PALS2: variants seen among roughly 807,000 people sequenced by gnomAD.
PALS2 encodes protein associated with LIN7 2, MAGUK p55 family member, also known as protein PALS2.
PALS2 carries 27 observed loss-of-function variants against 61.6 expected under a neutral mutation model. The observed-to-expected ratio is 0.44, with a 90% CI of 0.32 to 0.60. The LOEUF (loss-of-function observed/expected upper bound fraction) is 0.60, where lower values mean the gene tolerates loss of function less well. Ranked by LOEUF, PALS2 falls within the 20% of genes least tolerant of loss-of-function variation. PALS2 has a pLI of 0.05. For synonymous variants in PALS2, 236 were observed against 218.6 expected (o/e 1.08, Z -0.70); for missense variants, 554 against 639.4 (o/e 0.87, Z 1.44).
At chr7:24,635,997 A>T (rs2128066618) in intron 2 of PALS2, among the ~76,000 whole-genome samples, 1 of 152,172 alleles carries the variant, frequency 6.6e-6, no homozygotes, top group East Asian at 1.9e-4. Context: ...GGATCACCTG[A>T]GGTCAAGAGT....
chr7:24,603,340 T>C (rs1178171420), intron 1 of PALS2, among the ~76,000 whole-genome samples: 1 of 152,208 alleles, frequency 6.6e-6, no homozygotes, highest in Admixed American at 6.6e-5. Context: ...ACTAAACCTG[T>C]GACTTTGCTG....
rs780968471 is a variant in PALS2 at position 24,665,580 on chromosome 7, G to A, written c.784-8G>A. 1 of 1,612,790 alleles carries A rather than the reference G, an allele frequency of 6.2e-7. No homozygotes were observed. Among genetic ancestry groups the A allele is most frequent in the East Asian group, 2.2e-5 (1 of 44,846 alleles). On this transcript the variant is annotated splice_polypyrimidine_tract_variant and splice_region_variant and intron_variant, in intron 6 of 11. Coordinates refer to ENST00000222644, the MANE Select transcript of PALS2 (RefSeq NM_001303037.2). ...ACTGAGATGTACAATTCATTAATTT[G>A]ATTCTAGGCTAGCCATGTAAAAGAG...
intron 1 of PALS2, among the ~76,000 whole-genome samples, chr7:24,606,401 T>A (rs1184382317): frequency 6.6e-6 from 1 of 152,168 alleles, no homozygotes; most frequent in Non-Finnish European, 1.5e-5. Context: ...GGAGAGGGCC[T>A]TGAGATACTA....
rs1175934850 is a variant in PALS2 at position 24,618,757 on chromosome 7, G to A, written c.-2-4909G>A. On this transcript the variant is annotated intron_variant, in intron 1 of 11. Coordinates refer to ENST00000222644, the MANE Select transcript of PALS2 (RefSeq NM_001303037.2). The surrounding 1 kb of genome is among the most constrained non-coding windows in gnomAD (Gnocchi z 5.1). The stretch of plus-strand genomic sequence containing the variant: ...CAGGCTCGGAGGATGGGATGGCAGA[G>A]GCAGGATGCCTCCACGCTGGCCTTG... Among the ~76,000 whole-genome samples, 1 of 152,234 alleles carries A rather than the reference G, an allele frequency of 6.6e-6. No homozygotes were observed. Among genetic ancestry groups the A allele is most frequent in the East Asian group, 1.9e-4 (1 of 5,190 alleles).
chr7:24,663,843 G>C (rs1786868915), intron 6 of PALS2, 122 bp downstream of exon 6: 3 of 1,232,146 alleles, frequency 2.4e-6, no homozygotes, highest in Admixed American at 4.5e-5. Context: ...CACATGAACA[G>C]CTCCTGCTTC....
At chr7:24,652,139 C>G (rs946119595) in intron 5 of PALS2, among the ~76,000 whole-genome samples, 13 of 152,106 alleles carry the variant, frequency 8.5e-5, no homozygotes, top group African/African-American at 2.4e-4. Context: ...TATCTTGGAC[C>G]TGCGTACGCT....
intron 1 of PALS2, among the ~76,000 whole-genome samples, chr7:24,584,412 GTGA>G (rs1157774006): frequency 1.3e-5 from 2 of 151,280 alleles, no homozygotes; most frequent in Non-Finnish European, 2.9e-5. Flanking sequence ...CTGATGGCCA[GTGA>G]TGATGAGCAT....
In PALS2 at chr7:24,688,539, C is replaced by T. The variant is rs1042956737; in HGVS notation, c.*925C>T. 6.6e-6 allele frequency: 1 copy of T among 152,040 alleles called. No individual in the cohort carries two copies. Among genetic ancestry groups the T allele is most frequent in the African/African-American group, 2.4e-5 (1 of 41,412 alleles). 9.4% of individuals were successfully genotyped at this position (152,040 alleles called of 1,614,324 possible). A position where few individuals can be genotyped will look rare whatever the true frequency, so the allele number is the denominator to read the frequency against. ...GGTCAGCAAATGTATCATGCCTCTG[C>T]AAATTTTAGTGATGTTTAGAGATGC... On this transcript the variant is annotated 3_prime_UTR_variant, in exon 12 of 12. Coordinates refer to ENST00000222644, the MANE Select transcript of PALS2 (RefSeq NM_001303037.2).
At chr7:24,622,398 A>G (rs992053149) in intron 1 of PALS2, among the ~76,000 whole-genome samples, 5 of 151,724 alleles carry the variant, frequency 3.3e-5, no homozygotes, top group Non-Finnish European at 7.4e-5. Flanking sequence ...TGTTACATCT[A>G]TTTCTCAGTA....
chr7:24,641,106 C>A (rs1490999821), intron 2 of PALS2, among the ~76,000 whole-genome samples: 14 of 143,844 alleles, frequency 9.7e-5, no homozygotes, highest in Non-Finnish European at 1.2e-4. Flanking sequence ...AAGAAAAAAA[C>A]AACTTTACTT....
intron 1 of PALS2, among the ~76,000 whole-genome samples, chr7:24,580,497 A>G (rs1020451032): frequency 6.6e-6 from 1 of 152,238 alleles, no homozygotes; most frequent in African/African-American, 2.4e-5. Flanking sequence ...ACTTCTGCAC[A>G]TACCTCATTG....
intron 1 of PALS2, among the ~76,000 whole-genome samples, chr7:24,607,292 CATT>C (rs1345230586): frequency 6.6e-6 from 1 of 152,038 alleles, no homozygotes; most frequent in Non-Finnish European, 1.5e-5. Flanking sequence ...TGAAGCAATT[CATT>C]ATTATTATTC....
chr7:24,678,767 A>G (rs1026587832), intron 9 of PALS2, among the ~76,000 whole-genome samples: 1 of 152,180 alleles, frequency 6.6e-6, no homozygotes, highest in Non-Finnish European at 1.5e-5. Context: ...TGATTTTAAG[A>G]AGCATATTTT....
At chr7:24,673,606 C>T (rs1336148983) in intron 9 of PALS2, among the ~76,000 whole-genome samples, 2 of 151,882 alleles carry the variant, frequency 1.3e-5, no homozygotes, top group African/African-American at 4.8e-5. Flanking sequence ...TTTTTAAAAT[C>T]AGTTTCAGGA....
Position 24,607,679 on chromosome 7 carries a change from A to G in PALS2, c.-2-15987A>G, listed in dbSNP as rs77392470. On this transcript the variant is annotated intron_variant, in intron 1 of 11. Transcript: ENST00000222644. ...CGTATGTATACACACACATATACAT[A>G]TGTGTGTGTATGTGTATTTGTTTTT... is the stretch of plus-strand genomic sequence containing the variant. Among the ~76,000 whole-genome samples, 792 of 151,730 alleles carry G rather than the reference A, an allele frequency of 5.2e-3. 27 individuals carry two copies. The East Asian group carries it at 0.064, about 12-fold the overall frequency.
intron 1 of PALS2, among the ~76,000 whole-genome samples, chr7:24,595,539 A>AAATATATATTAACT: frequency 7.6e-6 from 1 of 131,516 alleles, no homozygotes; most frequent in South Asian, 2.2e-4. Flanking sequence ...TATAATATAT[A>AAATATATATTAACT]ATATATAAAT....
At chr7:24,644,689 A>G (rs1320352607) in intron 3 of PALS2, among the ~76,000 whole-genome samples, 1 of 151,884 alleles carries the variant, frequency 6.6e-6, no homozygotes, top group Non-Finnish European at 1.5e-5. Context: ...GTCAAATGGT[A>G]GTTCTGCTTT....
rs946104196 is a variant in PALS2, at chr7:24,615,121, C to G, written c.-2-8545C>G. Among the ~76,000 whole-genome samples the G allele has an allele frequency of 2.6e-5, 4 of 151,874 alleles. No homozygotes were observed. In the East Asian group the frequency reaches 7.7e-4, roughly 29 times the overall value. ...AAAATAGAAACACAATATATCAAAA[C>G]CTGTGAGATACAGCAAAAGCAGTAG... On this transcript the variant is annotated intron_variant, in intron 1 of 11. Coordinates refer to ENST00000222644, the MANE Select transcript of PALS2 (RefSeq NM_001303037.2).
intron 2 of PALS2, among the ~76,000 whole-genome samples, chr7:24,629,110 C>T (rs970330540): frequency 1.3e-5 from 2 of 152,132 alleles, no homozygotes; most frequent in Non-Finnish European, 2.9e-5. Context: ...GCTACAGTAA[C>T]TAAAACACCA....
Sources: gnomAD v4.1 joint callset for allele counts (sites outside exome capture counted in the v4.1 genomes callset) on GRCh38, gnomAD v4.1.1 for gene constraint, Gnocchi (gnomAD v3.1) non-coding constraint, MANE v1.5 for transcripts, NCBI Gene and HGNC (gene_info 2026-07-23, HGNC 2026-07-21) for gene names.